The following MCHR2 variants were observed in gnomAD, a reference collection of about 807,000 sequenced individuals.
The protein encoded by MCHR2 is melanin concentrating hormone receptor 2.
Under a neutral mutation model 24.8 loss-of-function variants are expected in MCHR2, and 15 were observed. The ratio of observed to expected loss-of-function variants is 0.60; its 90% CI spans 0.40 to 0.93. MCHR2 has a LOEUF of 0.93. Among genes scored for constraint, MCHR2 ranks in the 40% least tolerant of loss-of-function variants. The pLI is 0.00. For synonymous variants in MCHR2, 151 were observed against 147.6 expected (o/e 1.02, Z -0.17); for missense variants, 386 against 408.7 (o/e 0.94, Z 0.48).
intron 5 of MCHR2, among the ~76,000 whole-genome samples, chr6:99,929,511 T>A (rs1236976390): frequency 1.3e-5 from 2 of 152,204 alleles, no homozygotes; most frequent in African/African-American, 2.4e-5. Flanking sequence ...GCTTTATGAA[T>A]CTGGGTGCTG....
At chr6:99,967,355 G>C (rs1775313707) in intron 1 of MCHR2, among the ~76,000 whole-genome samples, 1 of 152,054 alleles carries the variant, frequency 6.6e-6, no homozygotes, top group Non-Finnish European at 1.5e-5. Flanking sequence ...AAAGCAAAAA[G>C]ACAGTGTTAA....
chr6:99,945,903 A>G (rs1774863635), intron 3 of MCHR2, among the ~76,000 whole-genome samples: 1 of 152,174 alleles, frequency 6.6e-6, no homozygotes, highest in Admixed American at 6.6e-5. Context: ...GTGCACACAT[A>G]TATACACAGA....
At chr6:99,971,383 A>C (rs1775415822) in intron 1 of MCHR2, among the ~76,000 whole-genome samples, 2 of 151,822 alleles carry the variant, frequency 1.3e-5, no homozygotes, top group African/African-American at 2.4e-5. Flanking sequence ...GTGTATAAGA[A>C]TGCTTGTGAT....
intron 1 of MCHR2, among the ~76,000 whole-genome samples, chr6:99,971,827 T>G (rs1775429088): frequency 6.6e-6 from 1 of 152,262 alleles, no homozygotes; most frequent in African/African-American, 2.4e-5. Flanking sequence ...ATCATGTGGT[T>G]TTTGTCTTTG....
chr6:99,944,611 CA>C (rs1386426572), intron 3 of MCHR2, among the ~76,000 whole-genome samples: 1 of 152,136 alleles, frequency 6.6e-6, no homozygotes, highest in Non-Finnish European at 1.5e-5. Context: ...ACTGCACATG[CA>C]TTCCCCATGG....
At chr6:99,974,819 C>T (rs547036435) in intron 1 of MCHR2, among the ~76,000 whole-genome samples, 1 of 152,348 alleles carries the variant, frequency 6.6e-6, no homozygotes, top group East Asian at 1.9e-4. Flanking sequence ...GCTAGAGGTC[C>T]ACTCCAGATG....
At chr6:99,925,829 A>T (rs1774343115) in intron 5 of MCHR2, among the ~76,000 whole-genome samples, 2 of 149,210 alleles carry the variant, frequency 1.3e-5, no homozygotes, top group Admixed American at 6.7e-5. Context: ...TTTTATTTTT[A>T]TTTTTTATTT....
intron 1 of MCHR2, among the ~76,000 whole-genome samples, chr6:99,990,992 C>A (rs1348354294): frequency 6.7e-6 from 1 of 150,130 alleles, no homozygotes; most frequent in Non-Finnish European, 1.5e-5. Context: ...ATGAGATTCC[C>A]AATAATGTTG....
intron 1 of MCHR2, among the ~76,000 whole-genome samples, chr6:99,971,115 T>C (rs1480380098): frequency 2.0e-5 from 3 of 152,222 alleles, no homozygotes; most frequent in Non-Finnish European, 4.4e-5. Context: ...ATTGGTAGCT[T>C]GATGGGGATG....
rs1234665852 is a variant in MCHR2, at chr6:99,919,678, A to G, written c.*1262T>C. 6.6e-6 allele frequency among the ~76,000 whole-genome samples: 1 copy of G among 152,082 alleles called. No homozygotes were observed. The highest frequency in any genetic ancestry group is 2.4e-5 in the African/African-American group (1 of 41,430). ...TAATTACTTTTTGTACCTTAGAACA[A>G]ACATGTATACTGTAACCAAAAGGGA... is the stretch of plus-strand genomic sequence containing the variant. On this transcript the variant is annotated 3_prime_UTR_variant, in exon 6 of 6. Transcript: ENST00000281806.
chr6:99,937,307 A>T (rs1455266697), intron 4 of MCHR2, among the ~76,000 whole-genome samples: 1 of 151,936 alleles, frequency 6.6e-6, no homozygotes, highest in East Asian at 1.9e-4. Flanking sequence ...AAAGGCCTTC[A>T]ATTTTTCCCC....
At chr6:99,938,941 G>A (rs150457226) in intron 4 of MCHR2, among the ~76,000 whole-genome samples, 1 of 152,078 alleles carries the variant, frequency 6.6e-6, no homozygotes, top group African/African-American at 2.4e-5. Context: ...ATTATATAGT[G>A]ACCTTCTTTG....
intron 1 of MCHR2, among the ~76,000 whole-genome samples, chr6:99,977,263 AG>A (rs1775569419): frequency 6.6e-6 from 1 of 152,204 alleles, no homozygotes; most frequent in Non-Finnish European, 1.5e-5. Flanking sequence ...ATGTTCTTTG[AG>A]GATTTGAAAA....
chr6:99,921,260 A>G lies in MCHR2; in HGVS notation c.708-5T>C. 6.2e-7 allele frequency: 1 copy of G among 1,611,438 alleles called. No homozygotes were observed. Among genetic ancestry groups the G allele is most frequent in the Non-Finnish European group, 8.5e-7 (1 of 1,178,744 alleles). On this transcript the variant is annotated splice_region_variant and splice_polypyrimidine_tract_variant and intron_variant, in intron 5 of 5. Coordinates refer to ENST00000281806, the MANE Select transcript of MCHR2 (RefSeq NM_001040179.2). ...TTTGGTACACTGGGATTGCAGCTGC[A>G]GAGGAAACATTCAGATAGACAGGGT...
At chr6:99,927,911 T>A (rs1774405737) in intron 5 of MCHR2, among the ~76,000 whole-genome samples, 2 of 152,230 alleles carry the variant, frequency 1.3e-5, no homozygotes, top group African/African-American at 4.8e-5. Flanking sequence ...CCCTGTCTTG[T>A]GCCAGTTTTC....
intron 5 of MCHR2, among the ~76,000 whole-genome samples, chr6:99,927,091 G>A (rs1370577035): frequency 6.6e-6 from 1 of 152,008 alleles, no homozygotes; most frequent in East Asian, 1.9e-4. Flanking sequence ...ATTAAATAGG[G>A]AATCCTTTCC....
intron 1 of MCHR2, among the ~76,000 whole-genome samples, chr6:99,976,023 G>A (rs1448437293): frequency 1.3e-5 from 2 of 152,016 alleles, no homozygotes; most frequent in African/African-American, 2.4e-5. Flanking sequence ...CAGGGTTTGT[G>A]GATCTTTCAG....
chr6:99,985,286 C>A (rs1775749737), intron 1 of MCHR2, among the ~76,000 whole-genome samples: 1 of 152,080 alleles, frequency 6.6e-6, no homozygotes, highest in South Asian at 2.1e-4. Context: ...AAATTCCTAT[C>A]AAATTACCAG....
chr6:99,947,120 C>G (rs1774885629), intron 3 of MCHR2, among the ~76,000 whole-genome samples: 1 of 152,076 alleles, frequency 6.6e-6, no homozygotes, highest in Non-Finnish European at 1.5e-5. Flanking sequence ...GTGAAAAGGG[C>G]TATGGCACAT....
Sources: gnomAD v4.1 joint callset for allele counts (sites outside exome capture counted in the v4.1 genomes callset) on GRCh38, gnomAD v4.1.1 for gene constraint, MANE v1.5 for transcripts, NCBI Gene and HGNC (gene_info 2026-07-23, HGNC 2026-07-21) for gene names.